Variants in CCDC138 observed in about 807,000 individuals in gnomAD.
CCDC138 encodes coiled-coil domain containing 138.
In CCDC138, 66 loss-of-function variants were observed where a neutral mutation model predicts 82.3. The observed-to-expected ratio is 0.80, with a 90% CI of 0.66 to 0.98. The LOEUF is 0.98. CCDC138 is among the 50% of genes least tolerant of loss of function. The probability of loss-of-function intolerance (pLI) is 0.00; values close to 1 mark genes in which losing one functional copy is unlikely to be tolerated. For synonymous variants in CCDC138, 297 were observed against 265.4 expected, an observed-to-expected ratio of 1.12 and a Z score of -1.16; for missense variants, 816 against 758.9, an observed-to-expected ratio of 1.08 and a Z score of -0.88.
intron 10 of CCDC138, among the ~76,000 whole-genome samples, chr2:108,819,103 T>G (rs188215157): frequency 6.6e-6 from 1 of 152,206 alleles, no homozygotes; most frequent in Non-Finnish European, 1.5e-5. Flanking sequence ...GTAGGAAGTT[T>G]CAGGCCCTTA....
At chr2:108,871,370 T>TAAAAAAA (rs59725353) in intron 13 of CCDC138, among the ~76,000 whole-genome samples, 365 of 75,938 alleles carry the variant, frequency 4.8e-3, no homozygotes, top group Non-Finnish European at 6.3e-3. Context: ...CCAACTCTAT[T>TAAAAAAA]AAAAAAAAAA....
chr2:108,791,834 G>C, intron 4 of CCDC138, 32 bp downstream of exon 4: 2 of 1,537,374 alleles, frequency 1.3e-6, no homozygotes, highest in Non-Finnish European at 8.8e-7. Context: ...AATCAATTCA[G>C]TAGTAACTTT....
At chr2:108,793,571 A>G (rs1680306880) in intron 4 of CCDC138, among the ~76,000 whole-genome samples, 1 of 151,758 alleles carries the variant, frequency 6.6e-6, no homozygotes, top group Admixed American at 6.6e-5. Context: ...TACTACTTAT[A>G]TACCCTCAGG....
At chr2:108,827,494 T>C (rs1416716955) in intron 10 of CCDC138, among the ~76,000 whole-genome samples, 1 of 152,214 alleles carries the variant, frequency 6.6e-6, no homozygotes, top group African/African-American at 2.4e-5. Flanking sequence ...CATCAGTTCT[T>C]ACTAAATCAA....
intron 10 of CCDC138, among the ~76,000 whole-genome samples, chr2:108,836,672 TACC>T (rs1336399488): frequency 1.3e-5 from 2 of 152,242 alleles, no homozygotes; most frequent in African/African-American, 4.8e-5. Flanking sequence ...ACCTTGATAA[TACC>T]ATGTTTTCTA....
chr2:108,795,946 T>C (rs147448762), intron 5 of CCDC138, among the ~76,000 whole-genome samples: 56 of 152,320 alleles, frequency 3.7e-4, no homozygotes, highest in African/African-American at 1.3e-3. Context: ...ATAGGCAAGA[T>C]TGCAAGGATG....
intron 13 of CCDC138, among the ~76,000 whole-genome samples, chr2:108,864,521 G>C (rs1694104825): frequency 6.6e-6 from 1 of 151,824 alleles, no homozygotes; most frequent in Admixed American, 6.6e-5. Context: ...AAATTAGCCG[G>C]GCACGGTGGC....
chr2:108,843,880 T>TG (rs1558717151), intron 11 of CCDC138, among the ~76,000 whole-genome samples: 22 of 94,138 alleles, frequency 2.3e-4, no homozygotes, highest in Admixed American at 2.3e-3. Context: ...GTGTGTGTGT[T>TG]TCTTTCTTTT....
intron 9 of CCDC138, 147 bp downstream of exon 9, chr2:108,813,074 C>A: frequency 1.8e-6 from 1 of 566,320 alleles, no homozygotes; most frequent in Non-Finnish European, 3.1e-6. Flanking sequence ...ATGGTGAAAC[C>A]CCGTTTCTAC....
At chr2:108,836,632 A>T (rs1203896358) in intron 10 of CCDC138, among the ~76,000 whole-genome samples, 1 of 152,214 alleles carries the variant, frequency 6.6e-6, no homozygotes, top group Non-Finnish European at 1.5e-5. Context: ...GATGACATTG[A>T]ATCTGTAGAT....
downstream of CCDC138, among the ~76,000 whole-genome samples, chr2:108,881,446 T>C (rs1285596838): frequency 1.3e-5 from 2 of 152,252 alleles, no homozygotes. Context: ...GCAATAAGGC[T>C]GCTGTGTTTT....
At chr2:108,813,861 G>T (rs1312631798) in intron 9 of CCDC138, among the ~76,000 whole-genome samples, 1 of 152,172 alleles carries the variant, frequency 6.6e-6, no homozygotes, top group Non-Finnish European at 1.5e-5. Context: ...CAGTGGAATT[G>T]TATTGTGTGT....
At chr2:108,806,066 T>C (rs1487590506) in intron 7 of CCDC138, among the ~76,000 whole-genome samples, 1 of 152,168 alleles carries the variant, frequency 6.6e-6, no homozygotes, top group Non-Finnish European at 1.5e-5. Flanking sequence ...TTCCCTTTAA[T>C]CTCTACTTGT....
intron 11 of CCDC138, among the ~76,000 whole-genome samples, chr2:108,839,550 T>C (rs1341043449): frequency 6.6e-6 from 1 of 152,164 alleles, no homozygotes; most frequent in South Asian, 2.1e-4. Flanking sequence ...TTTAGAACTT[T>C]GATTTATCAG....
chr2:108,864,395 G>A (rs1379473603), intron 13 of CCDC138, among the ~76,000 whole-genome samples: 1 of 152,176 alleles, frequency 6.6e-6, no homozygotes, highest in Non-Finnish European at 1.5e-5. Context: ...AGTTGTGGTG[G>A]CCTATGCCTG....
chr2:108,868,771 A>T (rs1301903097), intron 13 of CCDC138, among the ~76,000 whole-genome samples: 5 of 152,190 alleles, frequency 3.3e-5, no homozygotes, highest in African/African-American at 1.2e-4. Context: ...AAAAATAAAT[A>T]CTAAGAACAT....
intron 5 of CCDC138, among the ~76,000 whole-genome samples, chr2:108,796,846 AG>A (rs750420353): frequency 4.1e-4 from 63 of 152,116 alleles, no homozygotes; most frequent in South Asian, 1.2e-3. Flanking sequence ...GGGTGAAGAG[AG>A]GTTAGTTAAT....
chr2:108,838,677 A>C (rs1268231734), intron 10 of CCDC138, among the ~76,000 whole-genome samples: 1 of 152,196 alleles, frequency 6.6e-6, no homozygotes, highest in African/African-American at 2.4e-5. Context: ...ATATGCATGC[A>C]ATGTAGACAT....
At chr2:108,805,777 CAT>C (rs1682771743) in intron 7 of CCDC138, among the ~76,000 whole-genome samples, 1 of 151,956 alleles carries the variant, frequency 6.6e-6, no homozygotes, top group Non-Finnish European at 1.5e-5. Context: ...AGTTGCATAA[CAT>C]AAATAGTTTT....
Sources: allele counts gnomAD v4.1 joint callset (sites outside exome capture counted in the v4.1 genomes callset), GRCh38; gene constraint gnomAD v4.1.1; transcripts MANE v1.5; gene names NCBI Gene and HGNC (gene_info 2026-07-23, HGNC 2026-07-21).